Variants in ZNF578 observed in about 807,000 individuals in gnomAD.
ZNF578 encodes zinc finger protein 578, also known as Putative chemokine-related protein B42.
ZNF578 carries 8 observed loss-of-function variants against 8.3 expected under a neutral mutation model. That is an observed-to-expected ratio of 0.96 (90% confidence interval 0.56 to 1.74). The LOEUF is 1.74. ZNF578 is among the 40% of genes most tolerant of loss of function. ZNF578 has a pLI of 0.00. For synonymous variants in ZNF578, 206 were observed against 232.2 expected, an observed-to-expected ratio of 0.89 and a Z score of 1.03; for missense variants, 726 against 707.5, an observed-to-expected ratio of 1.03 and a Z score of -0.30.
At position 52,508,893 on chromosome 19, in the gene ZNF578, ATTTT is replaced by A. The variant is rs869062581; in HGVS notation, c.191-1656_191-1653del. ...TTGCACTTTTCTACACTATTAGTCA[ATTTT>A]TTTTTTTTTTTTTTTTTTTTTTGAG... On this transcript the variant is annotated intron_variant, in intron 5 of 5. Coordinates refer to ENST00000421239, the MANE Select transcript of ZNF578 (RefSeq NM_001099694.2). Among the ~76,000 whole-genome samples, 273 of 82,084 alleles carry A rather than the reference ATTTT, an allele frequency of 3.3e-3. 1 individual carries two copies. Among genetic ancestry groups the A allele is most frequent in the African/African-American group, 0.012 (252 of 20,350 alleles). The allele number at this position is 82,084 out of a possible 152,430, so 53.9% of individuals were successfully genotyped here.
At chr19:52,503,175 C>T (rs907049339) in intron 4 of ZNF578, among the ~76,000 whole-genome samples, 2 of 152,198 alleles carry the variant, frequency 1.3e-5, no homozygotes, top group African/African-American at 4.8e-5. Context: ...AAGGTGTGCA[C>T]CACCATGTCT....
chr19:52,489,039 C>T (rs143610748), intron 2 of ZNF578, among the ~76,000 whole-genome samples: 4,368 of 151,978 alleles, frequency 0.029, 97 homozygotes, highest in Non-Finnish European at 0.043. Context: ...GCAGAGGTTG[C>T]AGTGAGCCAC....
At chr19:52,480,627 G>C (rs996874615) in intron 2 of ZNF578, among the ~76,000 whole-genome samples, 5 of 151,978 alleles carry the variant, frequency 3.3e-5, no homozygotes, top group African/African-American at 9.7e-5. Flanking sequence ...GCCGGGCACA[G>C]TGGCTCATGC....
intron 3 of ZNF578, among the ~76,000 whole-genome samples, chr19:52,501,114 T>A (rs2122934637): frequency 6.6e-6 from 1 of 152,262 alleles, no homozygotes; most frequent in East Asian, 1.9e-4. Flanking sequence ...CCTGACCCTG[T>A]GATCCAGCCG....
At chr19:52,491,752 AATAG>A (rs1369560878) in intron 3 of ZNF578, among the ~76,000 whole-genome samples, 1 of 152,174 alleles carries the variant, frequency 6.6e-6, no homozygotes, top group African/African-American at 2.4e-5. Flanking sequence ...AAGAAAAAGT[AATAG>A]ATCTCTTTAA....
At chr19:52,486,840 G>C (rs1209959907) in intron 2 of ZNF578, among the ~76,000 whole-genome samples, 2 of 152,004 alleles carry the variant, frequency 1.3e-5, no homozygotes, top group African/African-American at 4.8e-5. Context: ...GGAGCAATAA[G>C]AGGTTAAATA....
At chr19:52,479,002 C>T (rs73057414) in intron 2 of ZNF578, among the ~76,000 whole-genome samples, 3,806 of 151,988 alleles carry the variant, frequency 0.025, 65 homozygotes, top group Non-Finnish European at 0.037. Flanking sequence ...GCATGAGCCA[C>T]CGCGCCCGGC....
chr19:52,504,721 G>T lies in ZNF578; in HGVS notation c.130G>T (p.Ala44Ser), dbSNP rs201289789. ...GGCAGAGTGGAAATTCCTGAACCCT[G>T]CGCAGAGGGCTTTGTACAGGGAAGT... ...SLAEWKFLNPAQRALYREVML... is the reference protein window; with the variant it reads ...SLAEWKFLNPSQRALYREVML... The change falls in exon 5 of 6, where the codon GCG becomes TCG. Residue 44 changes from alanine to serine, a missense_variant. Ala to Ser is a moderately conservative substitution (Grantham distance 99, BLOSUM62 1). Transcript: ENST00000421239. 1.3e-4 allele frequency: 208 copies of T among 1,614,158 alleles called. 2 individuals are homozygous for T. The Middle Eastern group carries it at 2.0e-3, about 15-fold the overall frequency.
intron 5 of ZNF578, among the ~76,000 whole-genome samples, chr19:52,508,143 G>A (rs1199517394): frequency 6.6e-6 from 1 of 151,614 alleles, no homozygotes; most frequent in African/African-American, 2.4e-5. Context: ...TCAAAAGATC[G>A]AGACCATCCT....
At position 52,514,921 on chromosome 19, in the gene ZNF578, A is replaced by G. The variant is rs1394993905; in HGVS notation, c.*2767A>G. Among the ~76,000 whole-genome samples the G allele has an allele frequency of 6.9e-6, 1 of 144,284 alleles. No individual in the cohort carries two copies. Among genetic ancestry groups the G allele is most frequent in the Non-Finnish European group, 1.5e-5 (1 of 66,560 alleles). The allele number at this position is 144,284 out of a possible 152,430, so 94.7% of individuals were successfully genotyped here. On this transcript the variant is annotated 3_prime_UTR_variant, in exon 6 of 6. Transcript: ENST00000421239. ...CGCGATCCACCCGACTCAGCCTCCC[A>G]CTGTGATGGGATTACAGGCATGAGC...
chr19:52,460,785 G>T (rs1477866825), intron 2 of ZNF578, among the ~76,000 whole-genome samples: 1 of 152,132 alleles, frequency 6.6e-6, no homozygotes, highest in African/African-American at 2.4e-5. Context: ...GTGTTGAATT[G>T]TTCCTAATGC....
In ZNF578 at chr19:52,490,111, G is replaced by A. The variant is rs1599900636; in HGVS notation, c.-121-1213G>A. 2.0e-5 allele frequency among the ~76,000 whole-genome samples: 3 copies of A among 152,084 alleles called. 1 individual carries two copies. The East Asian group carries it at 5.8e-4, about 29-fold the overall frequency. On this transcript the variant is annotated intron_variant, in intron 2 of 5. Coordinates refer to ENST00000421239, the MANE Select transcript of ZNF578 (RefSeq NM_001099694.2). ...TATTGTGCAATTTGTTTTATACAAT[G>A]TTTTCTGTGATCTCAGTTTATAAAT...
chr19:52,477,660 A>G (rs1197917482), intron 2 of ZNF578, among the ~76,000 whole-genome samples: 1 of 151,976 alleles, frequency 6.6e-6, no homozygotes, highest in South Asian at 2.1e-4. Context: ...TCAACTGCCA[A>G]ATTAGCCATT....
chr19:52,493,679 G>C lies in ZNF578; in HGVS notation c.-20+2254G>C, dbSNP rs324742. ...AGAGATTGAGGACGATCGAAAGATT[G>C]GGGGGAAGGGCAACAAGAGGTTAAA... is the stretch of plus-strand genomic sequence containing the variant. On this transcript the variant is annotated intron_variant, in intron 3 of 5. Coordinates refer to ENST00000421239, the MANE Select transcript of ZNF578 (RefSeq NM_001099694.2). Among the ~76,000 whole-genome samples the C allele has an allele frequency of 2.0e-5, 3 of 151,894 alleles. No individual in the cohort carries two copies. The East Asian group carries it at 5.8e-4, about 29-fold the overall frequency.
chr19:52,499,071 C>T (rs2059397488), intron 3 of ZNF578, among the ~76,000 whole-genome samples: 2 of 152,172 alleles, frequency 1.3e-5, no homozygotes, highest in African/African-American at 4.8e-5. Flanking sequence ...CCTCCTTCCT[C>T]CTCACCTCAG....
chr19:52,512,051 A>ATTCT lies in ZNF578; in HGVS notation c.1671_1672insTCTT (p.Thr558SerfsTer3). ...ATGTGCCATTCTTATCTGGCAAACC[A>ATTCT]TACTAGAATTCATAGCGGAGAGAAA... On this transcript the variant is annotated frameshift_variant, in exon 6 of 6. Transcript: ENST00000421239. LOFTEE classifies it low-confidence loss of function (END_TRUNC). 1 of 1,614,036 alleles carries ATTCT rather than the reference A, an allele frequency of 6.2e-7. No homozygotes were observed. Among genetic ancestry groups the ATTCT allele is most frequent in the Non-Finnish European group, 8.5e-7 (1 of 1,179,998 alleles).
At chr19:52,509,882 CCTTTTTTTTT>C (rs2059438382) in intron 5 of ZNF578, among the ~76,000 whole-genome samples, 2 of 149,278 alleles carry the variant, frequency 1.3e-5, no homozygotes, top group Admixed American at 1.3e-4. Flanking sequence ...TCTTTTTTTT[CCTTTTTTTTT>C]TCTGTTTGAG....
chr19:52,473,806 A>G, intron 2 of ZNF578: 1 of 314,984 alleles, frequency 3.2e-6, no homozygotes. Context: ...TGGCACATTT[A>G]TTGCATTTGT....
intron 3 of ZNF578, among the ~76,000 whole-genome samples, chr19:52,496,197 T>G (rs900233766): frequency 6.6e-6 from 1 of 151,474 alleles, no homozygotes; most frequent in Admixed American, 6.6e-5. Flanking sequence ...TTTTGTATTT[T>G]TAGTAGAGAC....
Sources: gnomAD v4.1 joint callset for allele counts (sites outside exome capture counted in the v4.1 genomes callset) on GRCh38, gnomAD v4.1.1 for gene constraint, MANE v1.5 for transcripts, NCBI Gene and HGNC (gene_info 2026-07-23, HGNC 2026-07-21) for gene names.